Variants in CERS3 observed in about 807,000 individuals in gnomAD.
CERS3 encodes the protein ceramide synthase 3.
Under a neutral mutation model 50.3 loss-of-function variants are expected in CERS3, and 33 were observed. The ratio of observed to expected loss-of-function variants is 0.66; its 90% CI spans 0.50 to 0.88. The LOEUF is 0.88. Among genes scored for constraint, CERS3 ranks in the 40% least tolerant of loss-of-function variants. CERS3 has a pLI of 0.00. For missense variants in CERS3, 470 were observed against 460.3 expected (o/e 1.02, Z -0.19); for synonymous variants, 176 against 155.2 (o/e 1.13, Z -0.99).
At chr15:100,513,777 TC>T (rs1315434302) in intron 2 of CERS3, among the ~76,000 whole-genome samples, 5 of 152,122 alleles carry the variant, frequency 3.3e-5, no homozygotes, top group African/African-American at 1.2e-4. Flanking sequence ...GCTCAAGCAA[TC>T]CTTCCACCTC....
At chr15:100,449,507 C>T (rs1447342821) in intron 11 of CERS3, among the ~76,000 whole-genome samples, 3 of 152,192 alleles carry the variant, frequency 2.0e-5, no homozygotes, top group African/African-American at 4.8e-5. Context: ...GACCATTTGG[C>T]CCACTGCTGC....
At chr15:100,457,320 G>C (rs1439814530) in intron 10 of CERS3, among the ~76,000 whole-genome samples, 1 of 152,144 alleles carries the variant, frequency 6.6e-6, no homozygotes, top group East Asian at 1.9e-4. Flanking sequence ...AAAAAATTCT[G>C]TGATGCTATC....
chr15:100,402,630 G>T lies in CERS3; in HGVS notation c.*83C>A, dbSNP rs192813128. 37 of 1,362,252 alleles carry T rather than the reference G, an allele frequency of 2.7e-5. No individual in the cohort carries two copies. The Admixed American group carries it at 7.0e-4, about 26-fold the overall frequency. The allele number at this position is 1,362,252 out of a possible 1,614,324, so 84.4% of individuals were successfully genotyped here. A position where few individuals can be genotyped will look rare whatever the true frequency, so the allele number is the denominator to read the frequency against. On this transcript the variant is annotated 3_prime_UTR_variant, in exon 12 of 12. Transcript: ENST00000679737. ...GGTGAGAAAGAGGGAAGGGCAGAAT[G>T]TGGGGTCGGTGTGGGGCCTGGAAGC...
chr15:100,432,961 G>T (rs1050699144), intron 11 of CERS3, among the ~76,000 whole-genome samples: 2 of 152,150 alleles, frequency 1.3e-5, no homozygotes, highest in Admixed American at 1.3e-4. Flanking sequence ...TTCAGGCCGG[G>T]TGCAGTGGCT....
At chr15:100,504,750 G>A (rs2036126349) in intron 2 of CERS3, among the ~76,000 whole-genome samples, 1 of 152,164 alleles carries the variant, frequency 6.6e-6, no homozygotes, top group South Asian at 2.1e-4. Context: ...GTACAAAGGT[G>A]CAGTAAGAGC....
At chr15:100,433,691 C>G (rs748336812) in intron 11 of CERS3, among the ~76,000 whole-genome samples, 19 of 152,228 alleles carry the variant, frequency 1.2e-4, no homozygotes, top group Non-Finnish European at 2.6e-4. Flanking sequence ...ATCCCCAGAT[C>G]CTCCTGTGTA....
At chr15:100,430,290 C>T (rs111911095) in intron 11 of CERS3, among the ~76,000 whole-genome samples, 41,064 of 149,166 alleles carry the variant, frequency 0.28, 5,783 homozygotes, top group East Asian at 0.41. Flanking sequence ...CCAGCCTGGA[C>T]GACAGAGCGA....
intron 11 of CERS3, among the ~76,000 whole-genome samples, chr15:100,441,020 C>G (rs1435322499): frequency 1.3e-5 from 2 of 152,184 alleles, no homozygotes; most frequent in African/African-American, 4.8e-5. Flanking sequence ...TCAAAGGTGT[C>G]AGACCACGCA....
At chr15:100,475,495 T>C (rs962293934) in intron 8 of CERS3, among the ~76,000 whole-genome samples, 1 of 152,214 alleles carries the variant, frequency 6.6e-6, no homozygotes, top group Non-Finnish European at 1.5e-5. Context: ...GCATTCAGGA[T>C]TTAACATGGT....
chr15:100,469,185 A>G (rs1567641221), intron 10 of CERS3, among the ~76,000 whole-genome samples, 193 bp downstream of exon 10: 1 of 152,230 alleles, frequency 6.6e-6, no homozygotes, highest in African/African-American at 2.4e-5. Flanking sequence ...CGTTGTAATA[A>G]GCCTTTTCCA....
chr15:100,539,192 A>G (rs2037143413), intron 1 of CERS3, among the ~76,000 whole-genome samples: 1 of 152,178 alleles, frequency 6.6e-6, no homozygotes, highest in Non-Finnish European at 1.5e-5. Flanking sequence ...TAGCATTTTT[A>G]TTAAAGCCAT....
At chr15:100,541,872 A>G (rs12438082) in intron 1 of CERS3, among the ~76,000 whole-genome samples, 75,841 of 151,814 alleles carry the variant, frequency 0.5, 19,238 homozygotes, top group South Asian at 0.6. Context: ...TAAGTATGGT[A>G]AAAATAAAAA....
rs2037225586 is a variant in CERS3, at chr15:100,542,532, A to G, written c.-355+2119T>C. Among the ~76,000 whole-genome samples the G allele has an allele frequency of 2.0e-5, 3 of 152,200 alleles. No individual in the cohort carries two copies. The South Asian group carries it at 6.2e-4, about 31-fold the overall frequency. Reference sequence around the variant, plus strand: ...CTTAGTGTGATAAATCAGACACTCAAATGCATGCCATGCTAATACTATGTA... The same window carrying G: ...CTTAGTGTGATAAATCAGACACTCAGATGCATGCCATGCTAATACTATGTA... On this transcript the variant is annotated intron_variant, in intron 1 of 12. Transcript: ENST00000284382.
At chr15:100,424,677 G>A (rs1318357202) in intron 11 of CERS3, among the ~76,000 whole-genome samples, 1 of 152,222 alleles carries the variant, frequency 6.6e-6, no homozygotes, top group African/African-American at 2.4e-5. Context: ...TTCAAGAAGT[G>A]ACCTGGCTGC....
At chr15:100,462,450 T>C (rs1430657546) in intron 10 of CERS3, among the ~76,000 whole-genome samples, 2 of 152,224 alleles carry the variant, frequency 1.3e-5, no homozygotes, top group African/African-American at 2.4e-5. Flanking sequence ...GTATGAGCAT[T>C]AAGCCCTTTT....
At chr15:100,529,804 G>A (rs8025428), upstream of CERS3, among the ~76,000 whole-genome samples, 3 of 152,128 alleles carry the variant, frequency 2.0e-5, no homozygotes, top group South Asian at 2.1e-4. Flanking sequence ...CAGCAGTACC[G>A]CCCACACTGA....
intron 8 of CERS3, among the ~76,000 whole-genome samples, chr15:100,474,141 GA>G (rs35816218): frequency 0.89 from 136,028 of 152,162 alleles, 61,053 homozygotes; most frequent in East Asian, 0.96. Flanking sequence ...TGAGAGAAAC[GA>G]GGAGTGACTG....
chr15:100,407,258 C>A (rs1260452881), intron 11 of CERS3, among the ~76,000 whole-genome samples: 1 of 152,182 alleles, frequency 6.6e-6, no homozygotes, highest in East Asian at 1.9e-4. Flanking sequence ...AGAAAGAAAC[C>A]AGTCCTTGAG....
At chr15:100,474,639 A>G (rs1339807075) in intron 8 of CERS3, among the ~76,000 whole-genome samples, 1 of 152,150 alleles carries the variant, frequency 6.6e-6, no homozygotes, top group Admixed American at 6.5e-5. Flanking sequence ...TCTTGACCTC[A>G]TGATCCACCT....
Sources: gnomAD v4.1 joint callset for allele counts (sites outside exome capture counted in the v4.1 genomes callset) on GRCh38, gnomAD v4.1.1 for gene constraint, MANE v1.5 for transcripts, NCBI Gene and HGNC (gene_info 2026-07-23, HGNC 2026-07-21) for gene names.